Variants in PLEKHD1 observed in about 807,000 individuals in gnomAD.
PLEKHD1 encodes pleckstrin homology domain-containing family D member 1.
In PLEKHD1, 51 loss-of-function variants were observed where a neutral mutation model predicts 69.2. The observed-to-expected ratio is 0.74, with a 90% CI of 0.59 to 0.93. PLEKHD1 has a LOEUF of 0.93. Among genes scored for constraint, PLEKHD1 ranks in the 40% least tolerant of loss-of-function variants. PLEKHD1 has a pLI of 0.00. For missense variants in PLEKHD1, 584 were observed against 641.0 expected, an observed-to-expected ratio of 0.91 and a Z score of 0.96; for synonymous variants, 236 against 244.7, an observed-to-expected ratio of 0.96 and a Z score of 0.33.
chr14:69,498,525 G>A (rs1882941293), intron 1 of PLEKHD1, among the ~76,000 whole-genome samples: 1 of 152,164 alleles, frequency 6.6e-6, no homozygotes, highest in South Asian at 2.1e-4. Flanking sequence ...AAGATCATGT[G>A]GCTGGTAGGA....
chr14:69,505,586 T>C (rs1435753155), intron 6 of PLEKHD1, among the ~76,000 whole-genome samples: 2 of 152,222 alleles, frequency 1.3e-5, no homozygotes. Flanking sequence ...ATGTTGGGCA[T>C]GTCAGTTACC....
chr14:69,472,100 G>A, the PLEKHD1 span, among the ~76,000 whole-genome samples: 11 of 151,838 alleles, frequency 7.2e-5, no homozygotes, highest in Admixed American at 2.0e-4. Context: ...ACCACACACC[G>A]TCACAACAAT....
chr14:69,482,096 C>T (rs927193687), upstream of PLEKHD1, among the ~76,000 whole-genome samples: 13 of 152,314 alleles, frequency 8.5e-5, no homozygotes, highest in South Asian at 1.7e-3. Flanking sequence ...TCAGAGCCTT[C>T]CTTTCACCCA....
intron 7 of PLEKHD1, 79 bp downstream of exon 7, chr14:69,522,456 G>A (rs1252875533): frequency 1.4e-6 from 2 of 1,423,914 alleles, no homozygotes; most frequent in Admixed American, 4.1e-5. Context: ...GATCTGAGGA[G>A]GCCTCCACCT....
At chr14:69,510,030 C>A (rs545175034) in intron 6 of PLEKHD1, among the ~76,000 whole-genome samples, 1 of 151,470 alleles carries the variant, frequency 6.6e-6, no homozygotes, top group Non-Finnish European at 1.5e-5. Flanking sequence ...AGTATGTTTC[C>A]GAGCTCTCTA....
the PLEKHD1 span, among the ~76,000 whole-genome samples, chr14:69,470,892 C>T: frequency 1.6e-4 from 24 of 151,840 alleles, no homozygotes; most frequent in Admixed American, 9.8e-4. Context: ...CCCAGGTTCA[C>T]GCCATTCTCC....
At chr14:69,486,944 C>T (rs989099031) in intron 1 of PLEKHD1, among the ~76,000 whole-genome samples, 5 of 152,264 alleles carry the variant, frequency 3.3e-5, no homozygotes, top group African/African-American at 7.2e-5. Flanking sequence ...CATCCACTAC[C>T]GTGGCCCCCA....
chr14:69,502,605 C>T lies in PLEKHD1; in HGVS notation c.503-222C>T, dbSNP rs923246796. On this transcript the variant is annotated intron_variant, in intron 5 of 12. Coordinates refer to ENST00000322564, the MANE Select transcript of PLEKHD1 (RefSeq NM_001161498.2). ...CTTTGAACTTCCAAGGATGAGGCCC[C>T]TCATAACCCTAGGAAAAGAAAAAGC... The T allele has an allele frequency of 1.0e-5, 6 of 576,132 alleles. No homozygotes were observed. In the Admixed American group the frequency reaches 1.5e-4, roughly 14 times the overall value. 35.7% of individuals were successfully genotyped at this position (576,132 alleles called of 1,614,324 possible).
upstream of PLEKHD1, among the ~76,000 whole-genome samples, chr14:69,482,535 T>G (rs1882560925): frequency 6.6e-6 from 1 of 152,182 alleles, no homozygotes; most frequent in South Asian, 2.1e-4. Context: ...CTGCTGTTTG[T>G]GCACTACTAG....
intron 6 of PLEKHD1, among the ~76,000 whole-genome samples, chr14:69,516,504 G>A (rs900956795): frequency 2.6e-5 from 4 of 151,750 alleles, no homozygotes; most frequent in Non-Finnish European, 5.9e-5. Flanking sequence ...CATTTTTCAT[G>A]TCCTTTAACA....
At chr14:69,498,048 T>TTTTATTTTATTTTATTTTATTTTATTTTA (rs1566557005) in intron 1 of PLEKHD1, among the ~76,000 whole-genome samples, 1 of 126,958 alleles carries the variant, frequency 7.9e-6, no homozygotes, top group African/African-American at 3.0e-5. Context: ...TTTTATTTTA[T>TTTTATTTTATTTTATTTTATTTTATTTTA]TTTATTTTAT....
At chr14:69,493,084 A>T (rs1882813170) in intron 1 of PLEKHD1, among the ~76,000 whole-genome samples, 1 of 152,038 alleles carries the variant, frequency 6.6e-6, no homozygotes, top group Non-Finnish European at 1.5e-5. Context: ...GCTATTTTTA[A>T]AAGTATGTTG....
At chr14:69,502,444 G>T (rs1883050833) in intron 5 of PLEKHD1, 1 of 265,194 alleles carries the variant, frequency 3.8e-6, no homozygotes, top group Non-Finnish European at 7.3e-6. Flanking sequence ...GACACTTGGG[G>T]CCCCAGCACT....
chr14:69,528,357 A>G lies in PLEKHD1; in HGVS notation c.1459A>G (p.Ile487Val), dbSNP rs1883710278. Residue 487 changes from isoleucine to valine, a missense_variant, in exon 13 of 13, where the codon ATC becomes GTC. Coordinates refer to ENST00000322564, the MANE Select transcript of PLEKHD1 (RefSeq NM_001161498.2). ...CAGGGACCAGCGCTTCCGGGAATCC[A>G]TCTACCACATCATGGCCACCCAGCC... is the stretch of plus-strand genomic sequence containing the variant. ...LSRDQRFRES[I>V]YHIMATQPGA... 1.3e-6 allele frequency: 2 copies of G among 1,551,664 alleles called. No homozygotes were observed. Among genetic ancestry groups the G allele is most frequent in the Non-Finnish European group, 8.7e-7 (1 of 1,146,986 alleles).
chr14:69,480,709 A>G (rs1202414544), upstream of PLEKHD1, among the ~76,000 whole-genome samples: 3 of 151,950 alleles, frequency 2.0e-5, no homozygotes, highest in African/African-American at 4.8e-5. Context: ...CTGGAGTGCA[A>G]TGGCACAATC....
intron 1 of PLEKHD1, among the ~76,000 whole-genome samples, chr14:69,490,330 A>G (rs1240072398): frequency 2.0e-5 from 3 of 152,144 alleles, no homozygotes; most frequent in Non-Finnish European, 2.9e-5. Flanking sequence ...ACAATTTACA[A>G]AAGGGTTGGT....
intron 1 of PLEKHD1, among the ~76,000 whole-genome samples, chr14:69,485,338 G>A (rs575201131): frequency 1.3e-5 from 2 of 152,378 alleles, no homozygotes; most frequent in East Asian, 3.9e-4. Flanking sequence ...ATTCTCTATG[G>A]AATGAACCTG....
Position 69,529,615 on chromosome 14 carries a change from T to C in PLEKHD1, c.*1196T>C, listed in dbSNP as rs1271414292. Reference sequence around the variant, plus strand: ...TCACTCTGGTTCCTGCATTATGTACTTCTGGTTGCGCAGGGAGGCAGTGTT... The same window carrying C: ...TCACTCTGGTTCCTGCATTATGTACCTCTGGTTGCGCAGGGAGGCAGTGTT... On this transcript the variant is annotated 3_prime_UTR_variant, in exon 13 of 13. Coordinates refer to ENST00000322564, the MANE Select transcript of PLEKHD1 (RefSeq NM_001161498.2). 3.3e-5 allele frequency: 5 copies of C among 152,080 alleles called. No homozygotes were observed. Among genetic ancestry groups the C allele is most frequent in the African/African-American group, 1.2e-4 (5 of 41,366 alleles). The allele number at this position is 152,080 out of a possible 1,614,324, so 9.4% of individuals were successfully genotyped here. A position where few individuals can be genotyped will look rare whatever the true frequency, so the allele number is the denominator to read the frequency against.
intron 11 of PLEKHD1, 144 bp downstream of exon 11, chr14:69,527,476 C>T: frequency 1.6e-6 from 2 of 1,251,258 alleles, no homozygotes; most frequent in Non-Finnish European, 2.2e-6. Context: ...TCTCCAGTTA[C>T]CTGCCTGCAG....
Sources: gnomAD v4.1 joint callset for allele counts (sites outside exome capture counted in the v4.1 genomes callset) on GRCh38, gnomAD v4.1.1 for gene constraint, MANE v1.5 for transcripts, NCBI Gene and HGNC (gene_info 2026-07-23, HGNC 2026-07-21) for gene names.